The following TPTE2 variants were observed in gnomAD, a reference collection of about 807,000 sequenced individuals.
TPTE2 encodes transmembrane phosphoinositide 3-phosphatase and tensin homolog 2, also known as phosphatidylinositol 3,4,5-trisphosphate 3-phosphatase TPTE2.
TPTE2 carries 53 observed loss-of-function variants against 78.6 expected under a neutral mutation model. The ratio of observed to expected loss-of-function variants is 0.67; its 90% confidence interval spans 0.54 to 0.85. The LOEUF is 0.85. Among genes scored for constraint, TPTE2 ranks in the 40% least tolerant of loss-of-function variants. The pLI, the probability that TPTE2 is intolerant of heterozygous loss-of-function variation, is 0.00. For missense variants in TPTE2, 461 were observed against 623.0 expected, an observed-to-expected ratio of 0.74 and a Z score of 2.77; for synonymous variants, 175 against 206.2, an observed-to-expected ratio of 0.85 and a Z score of 1.30.
At chr13:19,559,342 G>A in the TPTE2 span, among the ~76,000 whole-genome samples, 2 of 152,192 alleles carry the variant, frequency 1.3e-5, no homozygotes, top group African/African-American at 4.8e-5. Flanking sequence ...GTACAGCCAA[G>A]GGCTCTGGGC....
upstream of TPTE2, among the ~76,000 whole-genome samples, chr13:19,538,705 C>A (rs1487214857): frequency 6.6e-6 from 1 of 151,802 alleles, no homozygotes; most frequent in African/African-American, 2.4e-5. Context: ...TTAGTGGAGA[C>A]AGGGTTTCAC....
chr13:19,464,570 A>G, intron 9 of TPTE2, 50 bp from the exon 13 acceptor site: 1 of 1,566,246 alleles, frequency 6.4e-7, no homozygotes, highest in Non-Finnish European at 8.6e-7. Flanking sequence ...GATTTCATAT[A>G]ACACAAAAAA....
In TPTE2 at chr13:19,535,297, T is replaced by C. The variant is rs1871145045; in HGVS notation, c.-44+1299A>G. On this transcript the variant is annotated intron_variant, in intron 1 of 17. Transcript: ENST00000390680. This position sits in a 1 kb window ranked among gnomAD's most constrained non-coding sequence, Gnocchi z 5.1. Reference sequence around the variant, plus strand: ...CCTTCTTTAGAACCAAATGTATAAATAGTCAAACGAAGGATGTTTTTAACA... The same window carrying C: ...CCTTCTTTAGAACCAAATGTATAAACAGTCAAACGAAGGATGTTTTTAACA... 1.3e-5 allele frequency among the ~76,000 whole-genome samples: 2 copies of C among 152,040 alleles called. No homozygotes were observed. The highest frequency in any genetic ancestry group is 2.1e-4 in the South Asian group (1 of 4,792).
chr13:19,477,734 T>A (rs1880057055), intron 4 of TPTE2, among the ~76,000 whole-genome samples: 1 of 152,188 alleles, frequency 6.6e-6, no homozygotes, highest in African/African-American at 2.4e-5. Context: ...TCTGTTTCAG[T>A]GTTCCCTGAA....
At chr13:19,480,728 T>C (rs1880292600) in intron 4 of TPTE2, among the ~76,000 whole-genome samples, 1 of 152,162 alleles carries the variant, frequency 6.6e-6, no homozygotes, top group African/African-American at 2.4e-5. Flanking sequence ...AAATCAATGA[T>C]GGCTAGTGTT....
intron 13 of TPTE2, among the ~76,000 whole-genome samples, chr13:19,449,179 T>C (rs1190548732): frequency 6.6e-6 from 1 of 152,114 alleles, no homozygotes; most frequent in Non-Finnish European, 1.5e-5. Context: ...TTTATTATTA[T>C]TGTTATTTTT....
chr13:19,505,374 C>A (rs2137679999), upstream of TPTE2, among the ~76,000 whole-genome samples: 1 of 152,198 alleles, frequency 6.6e-6, no homozygotes, highest in South Asian at 2.1e-4. Flanking sequence ...TTCCTGGCCT[C>A]AAGTGATCTA....
chr13:19,525,545 C>T (rs1431855090), intron 1 of TPTE2, among the ~76,000 whole-genome samples: 1 of 152,128 alleles, frequency 6.6e-6, no homozygotes, highest in Non-Finnish European at 1.5e-5. Context: ...CAAAAATCAA[C>T]CCATGATGGA....
intron 1 of TPTE2, among the ~76,000 whole-genome samples, chr13:19,498,950 G>A (rs1881575408): frequency 6.6e-6 from 1 of 152,162 alleles, no homozygotes; most frequent in Non-Finnish European, 1.5e-5. Flanking sequence ...AAGGATGGAG[G>A]AAGATCTACC....
At chr13:19,457,790 T>A (rs1878634700) in intron 10 of TPTE2, among the ~76,000 whole-genome samples, 1 of 152,204 alleles carries the variant, frequency 6.6e-6, no homozygotes, top group Admixed American at 6.6e-5. Flanking sequence ...TGTTAAATAA[T>A]CTTTATTTGA....
intron 10 of TPTE2, among the ~76,000 whole-genome samples, chr13:19,463,705 G>A (rs965305155): frequency 3.9e-5 from 6 of 152,006 alleles, no homozygotes; most frequent in Non-Finnish European, 8.8e-5. Context: ...TTTGGTTCTG[G>A]GTGGGTGCAG....
In TPTE2 at chr13:19,492,800, G is replaced by A; in HGVS notation, c.119+50C>T. 4 of 1,605,114 alleles carry A rather than the reference G, an allele frequency of 2.5e-6. No individual in the cohort carries two copies. In the South Asian group the frequency reaches 3.3e-5, roughly 13 times the overall value. On this transcript the variant is annotated intron_variant, in intron 3 of 19. Coordinates refer to ENST00000400230, the Ensembl canonical transcript of TPTE2. ...TGTGTATGTGCTTGGTGTGTGTACA[G>A]CTCTATGCACTCTTATGCATACGTG...
intron 4 of TPTE2, among the ~76,000 whole-genome samples, chr13:19,476,452 C>T (rs1471465710): frequency 6.6e-6 from 1 of 151,550 alleles, no homozygotes. Flanking sequence ...AATTCCACCC[C>T]GAGAGCCATT....
intron 6 of TPTE2, among the ~76,000 whole-genome samples, chr13:19,467,675 G>T (rs553698604): frequency 1.3e-5 from 2 of 152,126 alleles, no homozygotes; most frequent in African/African-American, 4.8e-5. Context: ...TATCATTCAC[G>T]TTACAAACAA....
chr13:19,495,027 A>G (rs1049159917), intron 1 of TPTE2, among the ~76,000 whole-genome samples: 4 of 152,224 alleles, frequency 2.6e-5, no homozygotes, highest in Non-Finnish European at 5.9e-5. Flanking sequence ...AAGGGTATCT[A>G]CACCTCAATG....
exon 15 of TPTE2, chr13:19,436,228 G>C (rs963576940): frequency 6.2e-7 from 1 of 1,610,414 alleles, no homozygotes; most frequent in South Asian, 1.1e-5. Context: ...AAACTTACCT[G>C]AGAAGGAGTT....
intron 10 of TPTE2, chr13:19,458,813 T>C: frequency 2.9e-6 from 1 of 342,116 alleles, no homozygotes; most frequent in Non-Finnish European, 5.9e-6. Flanking sequence ...ATCCAATCTA[T>C]CATCGACTGG....
intron 13 of TPTE2, among the ~76,000 whole-genome samples, chr13:19,442,272 T>C (rs925095494): frequency 6.6e-6 from 1 of 151,352 alleles, no homozygotes; most frequent in Non-Finnish European, 1.5e-5. Flanking sequence ...ATCAAAAATT[T>C]AAAGATAAAT....
At chr13:19,508,848 C>T (rs1388000064) in intron 1 of TPTE2, among the ~76,000 whole-genome samples, 1 of 151,960 alleles carries the variant, frequency 6.6e-6, no homozygotes, top group African/African-American at 2.4e-5. Context: ...ATTCTAACAC[C>T]TTCTAGAAAG....
Sources: allele counts gnomAD v4.1 joint callset (sites outside exome capture counted in the v4.1 genomes callset), GRCh38; gene constraint gnomAD v4.1.1; non-coding constraint Gnocchi (gnomAD v3.1); transcripts MANE v1.5; gene names NCBI Gene and HGNC (gene_info 2026-07-23, HGNC 2026-07-21).